Variants in SYNPR observed in about 807,000 individuals in gnomAD.
SYNPR encodes synaptoporin.
SYNPR carries 23 observed loss-of-function variants against 32.9 expected under a neutral mutation model. That is an observed-to-expected ratio of 0.70 (90% confidence interval 0.50 to 0.99). The LOEUF (loss-of-function observed/expected upper bound fraction) is 0.99, where lower values mean the gene tolerates loss of function less well. Among genes scored for constraint, SYNPR ranks in the 50% least tolerant of loss-of-function variants. The pLI is 0.00. For synonymous variants in SYNPR, 146 were observed against 135.9 expected (o/e 1.07, Z -0.52); for missense variants, 318 against 349.3 (o/e 0.91, Z 0.71).
chr3:63,481,044 G>A, intron 3 of SYNPR, 88 bp downstream of exon 3: 1 of 1,508,628 alleles, frequency 6.6e-7, no homozygotes, highest in Admixed American at 2.0e-5. Context: ...CAGTCTTCCA[G>A]GGACTTCTGG....
intron 2 of SYNPR, among the ~76,000 whole-genome samples, chr3:63,472,433 T>C (rs912016359): frequency 2.0e-5 from 3 of 152,228 alleles, no homozygotes; most frequent in African/African-American, 4.8e-5. Flanking sequence ...ATGATGGACT[T>C]ACTGAGGAGA....
At chr3:63,366,028 G>A (rs2087725966) in intron 2 of SYNPR, among the ~76,000 whole-genome samples, 1 of 152,128 alleles carries the variant, frequency 6.6e-6, no homozygotes, top group Non-Finnish European at 1.5e-5. Context: ...ACTGAACACT[G>A]CCTGTGCAAT....
At chr3:63,280,531 GT>G (rs2086618981) in intron 2 of SYNPR, among the ~76,000 whole-genome samples, 1 of 150,572 alleles carries the variant, frequency 6.6e-6, no homozygotes, top group African/African-American at 2.4e-5. Context: ...AAAAAAAAAT[GT>G]TTGTTTTTTA....
chr3:63,376,703 G>T (rs1369240016), intron 2 of SYNPR, among the ~76,000 whole-genome samples: 2 of 151,978 alleles, frequency 1.3e-5, no homozygotes, highest in African/African-American at 4.8e-5. Flanking sequence ...CTCATTCAGG[G>T]TTTAGTTAAG....
At chr3:63,323,356 C>T (rs1444990367) in intron 2 of SYNPR, among the ~76,000 whole-genome samples, 1 of 151,814 alleles carries the variant, frequency 6.6e-6, no homozygotes, top group Non-Finnish European at 1.5e-5. Flanking sequence ...ATTTCTGGGC[C>T]TTATGGCAAA....
intron 4 of SYNPR, 59 bp downstream of exon 4, chr3:63,556,800 G>A (rs1374087848): frequency 2.0e-6 from 3 of 1,486,110 alleles, no homozygotes; most frequent in South Asian, 2.7e-5. Context: ...TTTTACTAAT[G>A]CTTGAAGGAC....
At chr3:63,480,576 A>G (rs17068728) in intron 2 of SYNPR, among the ~76,000 whole-genome samples, 5,364 of 152,162 alleles carry the variant, frequency 0.035, 309 homozygotes, top group African/African-American at 0.12. Context: ...TACACACTCA[A>G]ACACAGCTAT....
chr3:63,456,001 A>G (rs1411425266), intron 2 of SYNPR, among the ~76,000 whole-genome samples: 2 of 152,120 alleles, frequency 1.3e-5, no homozygotes, highest in South Asian at 2.1e-4. Flanking sequence ...GAGGCCTCAC[A>G]ATCATGGCAG....
chr3:63,371,672 AGAG>A (rs2087813849), intron 2 of SYNPR, among the ~76,000 whole-genome samples: 1 of 152,200 alleles, frequency 6.6e-6, no homozygotes, highest in South Asian at 2.1e-4. Flanking sequence ...GCTGCCCCAC[AGAG>A]AAGTGGCCAG....
At chr3:63,519,196 A>G (rs80279931) in intron 3 of SYNPR, among the ~76,000 whole-genome samples, 1 of 152,034 alleles carries the variant, frequency 6.6e-6, no homozygotes, top group African/African-American at 2.4e-5. Context: ...ATCGATGTTC[A>G]TCAGGGATAT....
chr3:63,536,715 C>T (rs1702215364), intron 3 of SYNPR, among the ~76,000 whole-genome samples: 1 of 152,006 alleles, frequency 6.6e-6, no homozygotes, highest in Non-Finnish European at 1.5e-5. Context: ...AAAATGGAAA[C>T]AACTCAAATA....
At chr3:63,203,226 A>C in the SYNPR span, 1 of 152,092 alleles carries the variant, frequency 6.6e-6, no homozygotes, top group Non-Finnish European at 1.5e-5. Flanking sequence ...ATCTATTGAA[A>C]ATAAAGCTCC....
chr3:63,285,185 G>A (rs2086668994), intron 2 of SYNPR, among the ~76,000 whole-genome samples: 1 of 152,182 alleles, frequency 6.6e-6, no homozygotes, highest in African/African-American at 2.4e-5. Context: ...AGGAACATTT[G>A]TATTTAGAGA....
intron 2 of SYNPR, among the ~76,000 whole-genome samples, chr3:63,410,639 A>G (rs1224685087): frequency 2.6e-5 from 4 of 152,082 alleles, no homozygotes; most frequent in African/African-American, 4.8e-5. Flanking sequence ...AATTTTTCCA[A>G]CTGATGGGTT....
intron 2 of SYNPR, among the ~76,000 whole-genome samples, chr3:63,398,152 T>C (rs1343692834): frequency 6.6e-6 from 1 of 152,178 alleles, no homozygotes; most frequent in African/African-American, 2.4e-5. Context: ...TTGTCCTTCT[T>C]TGTCTTCTGT....
At chr3:63,491,857 C>A (rs1050427346) in intron 3 of SYNPR, among the ~76,000 whole-genome samples, 6 of 152,256 alleles carry the variant, frequency 3.9e-5, no homozygotes, top group Admixed American at 3.9e-4. Context: ...TAAGTACTTA[C>A]AAAATACTAT....
rs545334976 is a variant in SYNPR, at chr3:63,272,185, T to C, written n.287+4736T>C. Among the ~76,000 whole-genome samples, 52 of 152,332 alleles carry C rather than the reference T, an allele frequency of 3.4e-4. No homozygotes were observed. The South Asian group carries it at 9.7e-3, about 29-fold the overall frequency. On this transcript the variant is annotated intron_variant and non_coding_transcript_variant, in intron 3 of 4. Coordinates refer to the SYNPR transcript ENST00000478456. ...ATTAACTCATCTGCTGCCAGATATT[T>C]TTCTGGGTACCTTACTTGCATTAAC...
chr3:63,317,228 C>T (rs753779781), intron 2 of SYNPR, among the ~76,000 whole-genome samples: 17 of 151,960 alleles, frequency 1.1e-4, no homozygotes, highest in Non-Finnish European at 2.4e-4. Context: ...ATGAAATGTT[C>T]TGTATATATC....
At chr3:63,247,572 T>C (rs529168614) in intron 1 of SYNPR, among the ~76,000 whole-genome samples, 2 of 152,094 alleles carry the variant, frequency 1.3e-5, no homozygotes, top group African/African-American at 4.8e-5. Context: ...GGTCGCCCAG[T>C]GTATGTATAC....
Sources: gnomAD v4.1 joint callset for allele counts (sites outside exome capture counted in the v4.1 genomes callset) on GRCh38, gnomAD v4.1.1 for gene constraint, MANE v1.5 for transcripts, NCBI Gene and HGNC (gene_info 2026-07-23, HGNC 2026-07-21) for gene names.